Variants in TBC1D22A observed in about 807,000 individuals in gnomAD.
The protein encoded by TBC1D22A is putative GTPase activator.
A neutral mutation model predicts 60.2 loss-of-function variants in TBC1D22A; 38 were observed. The ratio of observed to expected loss-of-function variants is 0.63; its 90% CI spans 0.49 to 0.83. The LOEUF (loss-of-function observed/expected upper bound fraction) is 0.83. Ranked by LOEUF, TBC1D22A falls within the 40% of genes least tolerant of loss-of-function variation. The pLI is 0.00. For missense variants in TBC1D22A, 628 were observed against 701.0 expected (o/e 0.90, Z 1.18); for synonymous variants, 302 against 281.7 (o/e 1.07, Z -0.72).
intron 4 of TBC1D22A, among the ~76,000 whole-genome samples, chr22:46,806,589 A>G (rs1046017224): frequency 2.6e-5 from 4 of 151,576 alleles, no homozygotes; most frequent in Non-Finnish European, 5.9e-5. Flanking sequence ...AATATTATTT[A>G]AAAAAAGTAT....
chr22:46,902,090 C>G (rs1477953582), intron 7 of TBC1D22A, among the ~76,000 whole-genome samples: 1 of 152,192 alleles, frequency 6.6e-6, no homozygotes, highest in Non-Finnish European at 1.5e-5. Context: ...TAGGTGGACA[C>G]GGTGAAGACC....
At chr22:46,841,353 A>G (rs2086762969) in intron 4 of TBC1D22A, among the ~76,000 whole-genome samples, 1 of 152,238 alleles carries the variant, frequency 6.6e-6, no homozygotes, top group Non-Finnish European at 1.5e-5. Flanking sequence ...GGACACAGCA[A>G]GAGGGCCGTT....
chr22:46,992,375 ATGCGGACACTCTC>A (rs1282592284), intron 9 of TBC1D22A, among the ~76,000 whole-genome samples: 1 of 152,266 alleles, frequency 6.6e-6, no homozygotes. Flanking sequence ...GGGACTGGGC[ATGCGGACACTCTC>A]TGCTTGGCAT....
intron 11 of TBC1D22A, among the ~76,000 whole-genome samples, chr22:47,047,440 C>T (rs2063067419): frequency 6.6e-6 from 1 of 152,190 alleles, no homozygotes; most frequent in African/African-American, 2.4e-5. Flanking sequence ...AGGAGAGGGG[C>T]ACAGAGGAGA....
At chr22:47,149,723 G>A (rs578178510) in intron 12 of TBC1D22A, among the ~76,000 whole-genome samples, 1 of 152,352 alleles carries the variant, frequency 6.6e-6, no homozygotes, top group East Asian at 1.9e-4. Flanking sequence ...GGCTGGCACT[G>A]GGGCCGAGAT....
chr22:47,142,665 T>C (rs967963322), intron 12 of TBC1D22A, among the ~76,000 whole-genome samples: 56 of 118,978 alleles, frequency 4.7e-4, no homozygotes, highest in African/African-American at 1.6e-3. Flanking sequence ...TCCATCCATC[T>C]ACTCACCCAC....
intron 4 of TBC1D22A, among the ~76,000 whole-genome samples, chr22:46,797,822 G>A (rs1007600629): frequency 6.6e-6 from 1 of 152,176 alleles, no homozygotes; most frequent in African/African-American, 2.4e-5. Flanking sequence ...GACAAGTTTT[G>A]TTAATGTTTT....
intron 4 of TBC1D22A, among the ~76,000 whole-genome samples, chr22:46,858,053 C>CT (rs2087661007): frequency 6.6e-6 from 1 of 152,188 alleles, no homozygotes; most frequent in Non-Finnish European, 1.5e-5. Flanking sequence ...AGCTGCCAGA[C>CT]TTTCCTGCAG....
At chr22:46,974,223 C>T (rs976486907) in intron 8 of TBC1D22A, 67 bp from the exon 9 acceptor site, 32 of 1,340,256 alleles carry the variant, frequency 2.4e-5, no homozygotes, top group East Asian at 7.5e-5. Context: ...CCTCCGTGGG[C>T]CCCCTCGTGG....
intron 4 of TBC1D22A, among the ~76,000 whole-genome samples, chr22:46,856,648 T>A (rs111915454): frequency 0.022 from 3,378 of 152,306 alleles, 79 homozygotes; most frequent in Non-Finnish European, 0.031. Context: ...GGGTGGGGGC[T>A]GGTACCAGAC....
In TBC1D22A at chr22:47,173,484, C is replaced by T. The variant is rs1180872511; in HGVS notation, c.1426-14C>T. 1 of 1,613,416 alleles carries T rather than the reference C, an allele frequency of 6.2e-7. No homozygotes were observed. Among genetic ancestry groups the T allele is most frequent in the Non-Finnish European group, 8.5e-7 (1 of 1,179,670 alleles). On this transcript the variant is annotated splice_polypyrimidine_tract_variant and intron_variant, in intron 12 of 12. Transcript: ENST00000337137. ...GTCACCTCCTCTGACCTGGGCTTGT[C>T]TCTTTCTCCCCAGGAGCTGCTGCTC...
intron 7 of TBC1D22A, among the ~76,000 whole-genome samples, chr22:46,897,917 T>C (rs6009033): frequency 0.69 from 104,592 of 151,192 alleles, 36,590 homozygotes; most frequent in Middle Eastern, 0.86. Flanking sequence ...AAAAAAAAAC[T>C]TTAGGATTGT....
At chr22:46,797,342 A>T (rs1185456991) in intron 3 of TBC1D22A, 102 bp from the exon 4 acceptor site, 2 of 1,296,770 alleles carry the variant, frequency 1.5e-6, no homozygotes, top group African/African-American at 1.5e-5. Flanking sequence ...GATGGGAAGA[A>T]GGGACCCATC....
intron 7 of TBC1D22A, among the ~76,000 whole-genome samples, chr22:46,910,866 G>A (rs768366610): frequency 1.2e-4 from 18 of 149,632 alleles, no homozygotes; most frequent in Non-Finnish European, 1.8e-4. Context: ...TGCGGGCGTG[G>A]CAGGCTTTCC....
chr22:47,086,483 AAAC>A (rs1398960357), intron 11 of TBC1D22A, among the ~76,000 whole-genome samples: 1 of 151,506 alleles, frequency 6.6e-6, no homozygotes, highest in Non-Finnish European at 1.5e-5. Flanking sequence ...AACAAACTAA[AAAC>A]AAACCGTAGC....
chr22:46,928,999 G>A (rs1285521594), intron 8 of TBC1D22A, among the ~76,000 whole-genome samples: 1 of 152,106 alleles, frequency 6.6e-6, no homozygotes, highest in Non-Finnish European at 1.5e-5. Flanking sequence ...TTTCTTCTGG[G>A]GGGAGGCAAA....
chr22:47,026,139 A>T (rs1215560582), intron 10 of TBC1D22A, among the ~76,000 whole-genome samples: 3 of 152,254 alleles, frequency 2.0e-5, no homozygotes, highest in Non-Finnish European at 4.4e-5. Context: ...TAAAAATCAC[A>T]TCTATATATG....
intron 11 of TBC1D22A, among the ~76,000 whole-genome samples, chr22:47,056,484 C>A (rs1235989228): frequency 6.6e-6 from 1 of 152,216 alleles, no homozygotes; most frequent in South Asian, 2.1e-4. Flanking sequence ...GATGCAGAAG[C>A]CAGAGAGAAG....
chr22:46,986,483 A>G (rs899446680), intron 9 of TBC1D22A, among the ~76,000 whole-genome samples: 1 of 151,786 alleles, frequency 6.6e-6, no homozygotes, highest in Admixed American at 6.6e-5. Flanking sequence ...AATATTAGCA[A>G]TATTGAGTCT....
Sources: allele counts gnomAD v4.1 joint callset (sites outside exome capture counted in the v4.1 genomes callset), GRCh38; gene constraint gnomAD v4.1.1; transcripts MANE v1.5; gene names NCBI Gene and HGNC (gene_info 2026-07-23, HGNC 2026-07-21).